Variants in NR2F2 observed in about 807,000 individuals in gnomAD.
The protein encoded by NR2F2 is nuclear receptor subfamily 2 group F member 2.
Under a neutral mutation model 34.8 loss-of-function variants are expected in NR2F2, and 2 were observed. That is an observed-to-expected ratio of 0.06 (90% CI 0.02 to 0.18). The LOEUF (loss-of-function observed/expected upper bound fraction) is 0.18. Ranked by LOEUF, NR2F2 falls within the 10% of genes least tolerant of loss-of-function variation. NR2F2 has a pLI of 1.00. For synonymous variants in NR2F2, 274 were observed against 251.8 expected (o/e 1.09, Z -0.84); for missense variants, 300 against 580.1 (o/e 0.52, Z 4.96).
Position 96,337,311 on chromosome 15 carries a change from C to CTTT in NR2F2, c.971-35_971-34insTTT, listed in dbSNP as rs1567139715. 3 of 1,478,412 alleles carry CTTT rather than the reference C, an allele frequency of 2.0e-6. No homozygotes were observed. In the African/African-American group the frequency reaches 4.8e-5, roughly 24 times the overall value. 91.6% of individuals were successfully genotyped at this position (1,478,412 alleles called of 1,614,324 possible). On this transcript the variant is annotated intron_variant, in intron 2 of 2. Transcript: ENST00000394166. ...TCTTCTTCTTCTTCTTCTTCTTTTT[C>CTTT]TTCTTCTTCTTCTTCTGTTTTTAAA...
upstream of NR2F2, chr15:96,326,100 C>T: frequency 3.3e-6 from 2 of 610,572 alleles, no homozygotes; most frequent in South Asian, 4.1e-5. The surrounding 1 kb of genome is among the most constrained non-coding windows in gnomAD (Gnocchi z 5.5). Flanking sequence ...CATGGGGAAG[C>T]ACTTCCTTGA....
upstream of NR2F2, among the ~76,000 whole-genome samples, chr15:96,330,447 C>A (rs1024267920): frequency 2.8e-5 from 4 of 144,648 alleles, no homozygotes; most frequent in African/African-American, 5.0e-5. Context: ...CCCGCCCCCC[C>A]AACCCCCGGT....
In NR2F2 at chr15:96,331,299, C is replaced by T; in HGVS notation, c.-807C>T. ...CCGGGGCAGGCGGCGGCGGCGGCGG[C>T]CCAGCGCCAGGACGACGCCGCGCAG... On this transcript the variant is annotated 5_prime_UTR_variant, in exon 1 of 3. Transcript: ENST00000394166. The T allele has an allele frequency of 9.1e-7, 1 of 1,104,632 alleles. No individual in the cohort carries two copies. The highest frequency in any genetic ancestry group is 1.1e-6 in the Non-Finnish European group (1 of 907,708). The allele number at this position is 1,104,632 out of a possible 1,614,324, so 68.4% of individuals were successfully genotyped here.
chr15:96,329,355 C>T (rs1042994836), upstream of NR2F2, among the ~76,000 whole-genome samples: 4 of 152,204 alleles, frequency 2.6e-5, no homozygotes, highest in African/African-American at 9.7e-5. Context: ...AATTCAAAGA[C>T]ACAACTGTCT....
At chr15:96,330,150 C>A (rs1264071881), upstream of NR2F2, among the ~76,000 whole-genome samples, 1 of 152,184 alleles carries the variant, frequency 6.6e-6, no homozygotes, top group East Asian at 1.9e-4. Context: ...AACCAGGGAA[C>A]TTTTCTTTGG....
upstream of NR2F2, among the ~76,000 whole-genome samples, chr15:96,327,728 C>T (rs1253122330): frequency 2.0e-5 from 3 of 152,332 alleles, no homozygotes; most frequent in Non-Finnish European, 2.9e-5. Flanking sequence ...CAGAGTTAAA[C>T]TCGGCATTTG....
Position 96,338,764 on chromosome 15 carries a change from C to A in NR2F2, c.*1142C>A, listed in dbSNP as rs1899410003. The A allele has an allele frequency of 6.6e-6, 1 of 151,780 alleles. No homozygotes were observed. Among genetic ancestry groups the A allele is most frequent in the African/African-American group, 2.4e-5 (1 of 41,116 alleles). 9.4% of individuals were successfully genotyped at this position (151,780 alleles called of 1,614,324 possible). ...TGGTCGAGTCTTTGTGTGTTATATTCCAAGGAAAATTGAAAGTATTCAGAA... is the reference window on the plus strand; with the variant it reads ...TGGTCGAGTCTTTGTGTGTTATATTACAAGGAAAATTGAAAGTATTCAGAA... On this transcript the variant is annotated 3_prime_UTR_variant, in exon 3 of 3. Coordinates refer to ENST00000394166, the MANE Select transcript of NR2F2 (RefSeq NM_021005.4).
intron 1 of NR2F2, chr15:96,333,561 T>TGG (rs950809547): frequency 9.9e-7 from 1 of 1,013,790 alleles, no homozygotes; most frequent in Admixed American, 5.1e-5. Flanking sequence ...TGTCTCTCAC[T>TGG]GGGGGGGTTC....
chr15:96,331,141 G>A lies in NR2F2; in HGVS notation c.-965G>A. 1 of 1,083,046 alleles carries A rather than the reference G, an allele frequency of 9.2e-7. No homozygotes were observed. The highest frequency in any genetic ancestry group is 1.7e-5 in the African/African-American group (1 of 59,138). The allele number at this position is 1,083,046 out of a possible 1,614,324, so 67.1% of individuals were successfully genotyped here. ...GCGGCGCTAGACGCAGCGGCTCCGG[G>A]CCCGACCCGGCGGCTTCGGCGGCGG... On this transcript the variant is annotated 5_prime_UTR_variant, in exon 1 of 3. Coordinates refer to ENST00000394166, the MANE Select transcript of NR2F2 (RefSeq NM_021005.4).
intron 1 of NR2F2, chr15:96,333,814 C>G (rs974706129): frequency 6.5e-6 from 9 of 1,394,478 alleles, no homozygotes; most frequent in Non-Finnish European, 8.3e-6. Flanking sequence ...GCAAGGTGGC[C>G]AATTCTGGGT....
upstream of NR2F2, among the ~76,000 whole-genome samples, chr15:96,327,996 C>T (rs1899036902): frequency 6.6e-6 from 1 of 152,164 alleles, no homozygotes; most frequent in Admixed American, 6.5e-5. Context: ...CTTCTCAGAG[C>T]TTTTTAACCT....
At chr15:96,330,252 G>A (rs992812068), upstream of NR2F2, among the ~76,000 whole-genome samples, 1 of 152,102 alleles carries the variant, frequency 6.6e-6, no homozygotes, top group African/African-American at 2.4e-5. Flanking sequence ...CAAACTCCCC[G>A]ATTCCATCCA....
At chr15:96,333,209 T>G in intron 1 of NR2F2, 2 of 348,270 alleles carry the variant, frequency 5.7e-6, no homozygotes, top group Non-Finnish European at 8.6e-6. Context: ...AGTTGGGTCT[T>G]TGTGATATAA....
chr15:96,332,447 G>T lies in NR2F2; in HGVS notation c.342G>T (p.Thr114=). The change falls in exon 1 of 3, where the codon ACG becomes ACT. Residue 114 remains threonine, a synonymous_variant. Transcript: ENST00000394166. The part of the protein sequence containing the change: ...KRSVRRNLSY[T]CRANRNCPID... ...GCGTGCGGAGGAACCTGAGCTACAC[G>T]TGCCGCGCCAACCGGAACTGTCCCA... 1 of 1,614,198 alleles carries T rather than the reference G, an allele frequency of 6.2e-7. No homozygotes were observed. The highest frequency in any genetic ancestry group is 8.5e-7 in the Non-Finnish European group (1 of 1,180,032).
chr15:96,331,265 G>T lies in NR2F2; in HGVS notation c.-841G>T. On this transcript the variant is annotated 5_prime_UTR_variant, in exon 1 of 3. Transcript: ENST00000394166. Reference sequence around the variant, plus strand: ...GGCGGCCGGAGAGAGCGAGGCGCGCGCCGGACGCCCGGGGCAGGCGGCGGC... The same window carrying T: ...GGCGGCCGGAGAGAGCGAGGCGCGCTCCGGACGCCCGGGGCAGGCGGCGGC... 4 of 997,234 alleles carry T rather than the reference G, an allele frequency of 4.0e-6. No individual in the cohort carries two copies. The highest frequency in any genetic ancestry group is 4.8e-6 in the Non-Finnish European group (4 of 839,458). The allele number at this position is 997,234 out of a possible 1,614,324, so 61.8% of individuals were successfully genotyped here.
chr15:96,326,296 A>T (rs1357548431), upstream of NR2F2: 1 of 1,611,436 alleles, frequency 6.2e-7, no homozygotes. This position sits in a 1 kb window ranked among gnomAD's most constrained non-coding sequence, Gnocchi z 5.5. Context: ...GAGTTATTCC[A>T]GTTTAGGAGG....
In NR2F2 at chr15:96,331,221, C is replaced by A; in HGVS notation, c.-885C>A. 1.0e-6 allele frequency: 1 copy of A among 982,652 alleles called. No homozygotes were observed. The highest frequency in any genetic ancestry group is 4.5e-5 in the South Asian group (1 of 22,092). 60.9% of individuals were successfully genotyped at this position (982,652 alleles called of 1,614,324 possible). A position where few individuals can be genotyped will look rare whatever the true frequency, so the allele number is the denominator to read the frequency against. ...CGCAGGGAACGGCGAGCGGCCTCCA[C>A]CCAGCGACTGCGGGCGGCGGCGGCC... On this transcript the variant is annotated 5_prime_UTR_variant, in exon 1 of 3. Coordinates refer to ENST00000394166, the MANE Select transcript of NR2F2 (RefSeq NM_021005.4).
rs1270883842 is a variant in NR2F2, at chr15:96,337,439, C to G, written c.1062C>G (p.Pro354=). 1 of 1,614,134 alleles carries G rather than the reference C, an allele frequency of 6.2e-7. No individual in the cohort carries two copies. Among genetic ancestry groups the G allele is most frequent in the Admixed American group, 1.7e-5 (1 of 60,018 alleles). ...ALEEYVRSQY[P]NQPTRFGKLL... ...AAGAATACGTTAGGAGCCAGTACCC[C>G]AACCAGCCGACGAGATTCGGAAAGC... Residue 354 remains proline (P), a synonymous_variant, in exon 3 of 3, where the codon CCC becomes CCG. Coordinates refer to ENST00000394166, the MANE Select transcript of NR2F2 (RefSeq NM_021005.4).
At chr15:96,333,662 G>C (rs947262784) in intron 1 of NR2F2, 1 of 1,086,508 alleles carries the variant, frequency 9.2e-7, no homozygotes, top group African/African-American at 1.6e-5. Flanking sequence ...CGTGCCTTTT[G>C]CAAAAGCGCC....
Sources: allele counts gnomAD v4.1 joint callset (sites outside exome capture counted in the v4.1 genomes callset), GRCh38; gene constraint gnomAD v4.1.1; non-coding constraint Gnocchi (gnomAD v3.1); transcripts MANE v1.5; gene names NCBI Gene and HGNC (gene_info 2026-07-23, HGNC 2026-07-21).